The following MARCHF3 variants were observed in gnomAD, a reference collection of about 807,000 sequenced individuals.
The protein encoded by MARCHF3 is E3 ubiquitin-protein ligase MARCHF3.
In MARCHF3, 13 loss-of-function variants were observed where a neutral mutation model predicts 24.2. The observed-to-expected ratio is 0.54, with a 90% confidence interval of 0.35 to 0.85. The LOEUF (loss-of-function observed/expected upper bound fraction) is 0.85, where lower values mean the gene tolerates loss of function less well. Among genes scored for constraint, MARCHF3 ranks in the 40% least tolerant of loss-of-function variants. The probability of loss-of-function intolerance (pLI) is 0.01; values close to 1 mark genes in which losing one functional copy is unlikely to be tolerated. For missense variants in MARCHF3, 276 were observed against 325.0 expected, an observed-to-expected ratio of 0.85 and a Z score of 1.16; for synonymous variants, 144 against 137.3, an observed-to-expected ratio of 1.05 and a Z score of -0.34.
intron 3 of MARCHF3, among the ~76,000 whole-genome samples, chr5:126,906,505 T>G (rs990921804): frequency 6.6e-6 from 1 of 152,208 alleles, no homozygotes; most frequent in Non-Finnish European, 1.5e-5. Flanking sequence ...TCCTGTCATT[T>G]GTCTATGCAG....
At chr5:126,902,050 G>T (rs1057172635) in intron 3 of MARCHF3, among the ~76,000 whole-genome samples, 1 of 152,100 alleles carries the variant, frequency 6.6e-6, no homozygotes, top group Non-Finnish European at 1.5e-5. Context: ...TTGTACATTT[G>T]GAGTTAGCTG....
chr5:127,010,110 G>A (rs1017998628), intron 1 of MARCHF3, among the ~76,000 whole-genome samples: 1 of 152,108 alleles, frequency 6.6e-6, no homozygotes, highest in African/African-American at 2.4e-5. Flanking sequence ...GGTTCTGAGT[G>A]GGGTTGAAGC....
chr5:126,989,796 T>C (rs1468922261), intron 1 of MARCHF3, among the ~76,000 whole-genome samples: 3 of 152,154 alleles, frequency 2.0e-5, no homozygotes. Flanking sequence ...TGATCTTCAG[T>C]GTCTCTTGCA....
At chr5:127,029,223 A>T (rs1753096164) in intron 1 of MARCHF3, among the ~76,000 whole-genome samples, 1 of 151,962 alleles carries the variant, frequency 6.6e-6, no homozygotes, top group African/African-American at 2.4e-5. Flanking sequence ...ATATACACAC[A>T]CTCACACATA....
At chr5:126,896,647 T>G (rs1222145587) in intron 3 of MARCHF3, among the ~76,000 whole-genome samples, 1 of 152,082 alleles carries the variant, frequency 6.6e-6, no homozygotes, top group Non-Finnish European at 1.5e-5. Context: ...ACAAATCATA[T>G]CTACTGTCGT....
chr5:126,913,271 G>A (rs1000646190), intron 3 of MARCHF3, among the ~76,000 whole-genome samples: 1 of 152,218 alleles, frequency 6.6e-6, no homozygotes. Context: ...TAAAAAGATC[G>A]CTGGATAGAG....
intron 2 of MARCHF3, among the ~76,000 whole-genome samples, chr5:126,916,765 A>C (rs1748869963): frequency 6.7e-6 from 1 of 149,450 alleles, no homozygotes; most frequent in Non-Finnish European, 1.5e-5. Context: ...CATCAACCAT[A>C]GCCTGCTCTT....
chr5:126,982,560 A>G (rs1369003170), intron 1 of MARCHF3, among the ~76,000 whole-genome samples: 1 of 152,190 alleles, frequency 6.6e-6, no homozygotes, highest in Non-Finnish European at 1.5e-5. Context: ...AGAGTCCCAG[A>G]TGACCTAATG....
intron 1 of MARCHF3, among the ~76,000 whole-genome samples, chr5:127,015,925 G>A (rs1308032544): frequency 3.9e-5 from 6 of 152,090 alleles, no homozygotes; most frequent in African/African-American, 9.7e-5. Flanking sequence ...TGTGCAGCAC[G>A]TCTATGCTGT....
intron 3 of MARCHF3, among the ~76,000 whole-genome samples, chr5:126,900,703 A>C (rs928381158): frequency 7.0e-6 from 1 of 142,594 alleles, no homozygotes; most frequent in African/African-American, 2.6e-5. Flanking sequence ...TTCTTCTTTA[A>C]TTTTTTTTTT....
At chr5:126,922,985 C>T (rs954895136) in intron 1 of MARCHF3, among the ~76,000 whole-genome samples, 1 of 152,166 alleles carries the variant, frequency 6.6e-6, no homozygotes, top group Non-Finnish European at 1.5e-5. Flanking sequence ...CTCATCCTTG[C>T]ATGTCCACTT....
In MARCHF3 at chr5:126,951,156, G is replaced by A. The variant is rs190727395; in HGVS notation, c.-56-32929C>T. 2.8e-4 allele frequency among the ~76,000 whole-genome samples: 43 copies of A among 152,268 alleles called. 2 individuals carry two copies. The highest frequency in any genetic ancestry group is 2.8e-3 in the Admixed American group (43 of 15,294). ...CCTCGCCACAGCATATGATCTCATTGTTTTCTCTTTCTATTGCGATACACT... is the reference window on the plus strand; with the variant it reads ...CCTCGCCACAGCATATGATCTCATTATTTTCTCTTTCTATTGCGATACACT... On this transcript the variant is annotated intron_variant, in intron 1 of 4. Transcript: ENST00000308660.
intron 3 of MARCHF3, among the ~76,000 whole-genome samples, chr5:126,910,122 A>C (rs1007573062): frequency 5.9e-5 from 9 of 152,226 alleles, no homozygotes; most frequent in African/African-American, 2.2e-4. Context: ...GATTAGAGGA[A>C]AAAATCAGAT....
intron 3 of MARCHF3, among the ~76,000 whole-genome samples, chr5:126,913,976 CTTTTTTTTTT>C (rs1169856446): frequency 1.9e-5 from 2 of 107,904 alleles, no homozygotes; most frequent in Non-Finnish European, 3.5e-5. Context: ...CAATATCCAA[CTTTTTTTTTT>C]TTTTTTTTTT....
chr5:126,920,016 T>G (rs1169554070), intron 1 of MARCHF3, among the ~76,000 whole-genome samples: 6 of 152,202 alleles, frequency 3.9e-5, no homozygotes, highest in Admixed American at 3.9e-4. Flanking sequence ...ACTAACTGAC[T>G]AGGTTAAATA....
intron 1 of MARCHF3, among the ~76,000 whole-genome samples, chr5:127,029,644 A>G (rs1753112171): frequency 1.3e-5 from 2 of 152,160 alleles, no homozygotes; most frequent in Non-Finnish European, 2.9e-5. Context: ...CCAGGCTGGC[A>G]ATCCCTTTCG....
At chr5:126,914,141 G>A (rs1294110331) in intron 3 of MARCHF3, among the ~76,000 whole-genome samples, 1 of 151,646 alleles carries the variant, frequency 6.6e-6, no homozygotes, top group Non-Finnish European at 1.5e-5. Context: ...CCGCCACCAT[G>A]CCCGGCTAAT....
intron 1 of MARCHF3, among the ~76,000 whole-genome samples, chr5:126,922,892 C>T (rs566932425): frequency 2.2e-4 from 34 of 152,294 alleles, no homozygotes; most frequent in Non-Finnish European, 4.3e-4. Context: ...TGGTCAACCT[C>T]TACCACGATG....
intron 1 of MARCHF3, among the ~76,000 whole-genome samples, chr5:126,965,134 G>A (rs557228939): frequency 6.6e-6 from 1 of 151,950 alleles, no homozygotes; most frequent in East Asian, 1.9e-4. Flanking sequence ...CAATAAATAT[G>A]GACCAGGAAC....
Sources: allele counts gnomAD v4.1 joint callset (sites outside exome capture counted in the v4.1 genomes callset), GRCh38; gene constraint gnomAD v4.1.1; transcripts MANE v1.5; gene names NCBI Gene and HGNC (gene_info 2026-07-23, HGNC 2026-07-21).